PUDP: variants seen among roughly 807,000 people sequenced by gnomAD.
The protein encoded by PUDP is pseudouridine 5'-phosphatase.
A neutral mutation model predicts 9.4 loss-of-function variants in PUDP; 8 were observed. The ratio of observed to expected loss-of-function variants is 0.85; its 90% CI spans 0.50 to 1.53. The LOEUF is 1.53. Ranked by LOEUF, PUDP falls within the 40% of genes most tolerant of loss-of-function variation. PUDP has a pLI of 0.00. For synonymous variants in PUDP, 99 were observed against 80.7 expected (o/e 1.23, Z -1.22); for missense variants, 188 against 189.7 (o/e 0.99, Z 0.05).
chrX:7,035,982 T>C (rs1227384571), intron 1 of PUDP, among the ~76,000 whole-genome samples: 1 of 111,340 alleles, frequency 9.0e-6, no homozygotes, highest in Non-Finnish European at 1.9e-5. Context: ...GCGGGCCACC[T>C]CCCCGGTTTC....
At chrX:6,932,675 C>A (rs6530006) in intron 3 of PUDP, among the ~76,000 whole-genome samples, 23,247 of 111,236 alleles carry the variant, frequency 0.21, 1,953 homozygotes, top group Admixed American at 0.35. Context: ...GGCATTGCCT[C>A]ACTTGGGAAG....
chrX:7,004,387 A>G (rs966965162), intron 1 of PUDP, among the ~76,000 whole-genome samples: 2 of 111,354 alleles, frequency 1.8e-5, no homozygotes, highest in African/African-American at 6.6e-5. Flanking sequence ...CCCTGCTCAC[A>G]GCCAGATCTG....
intron 1 of PUDP, among the ~76,000 whole-genome samples, chrX:7,131,389 T>C (rs1174757901): frequency 9.1e-6 from 1 of 110,424 alleles, no homozygotes; most frequent in Admixed American, 9.6e-5. Flanking sequence ...GCAGATGTGA[T>C]TAAGTGAAGG....
rs552144804 is a variant in PUDP, at chrX:6,998,210, G to T, written c.205-19867C>A. On this transcript the variant is annotated intron_variant and NMD_transcript_variant, in intron 1 of 3. Transcript: ENST00000655425. ...TAATGATTTGGATGAGTAAAAGGAT[G>T]GTGTGGGAATCAGAGCTGCCAATTT... Among the ~76,000 whole-genome samples, 7 of 111,337 alleles carry T rather than the reference G, an allele frequency of 6.3e-5. No individual in the cohort carries two copies. In the South Asian group the frequency reaches 2.7e-3, roughly 43 times the overall value.
At chrX:6,817,315 CT>C (rs1926267940) in intron 3 of PUDP, among the ~76,000 whole-genome samples, 1 of 110,862 alleles carries the variant, frequency 9.0e-6, no homozygotes, top group African/African-American at 3.3e-5. Context: ...TCAAGTGATC[CT>C]TTTGTCTTGG....
intron 1 of PUDP, among the ~76,000 whole-genome samples, chrX:7,130,305 C>T (rs1932585663): frequency 1.8e-5 from 2 of 109,875 alleles, no homozygotes; most frequent in African/African-American, 6.6e-5. Context: ...AGGGGGAATT[C>T]GGAGGCTGAT....
intron 1 of PUDP, among the ~76,000 whole-genome samples, chrX:6,990,671 G>T (rs888187061): frequency 8.9e-6 from 1 of 112,000 alleles, no homozygotes; most frequent in Non-Finnish European, 1.9e-5. Flanking sequence ...GCCTCAGAAG[G>T]TGGGGACAGG....
Position 6,734,070 on chromosome X carries a change from G to A in PUDP, c.*248-27604C>T, listed in dbSNP as rs751541031. Among the ~76,000 whole-genome samples the A allele has an allele frequency of 4.5e-5, 5 of 111,046 alleles. No individual in the cohort carries two copies. The South Asian group carries it at 1.5e-3, about 34-fold the overall frequency. ...TGGGATTACAGGCATGAGCCACCAC[G>A]CCTGGCCAAGCAAAGATCGTTTCTG... On this transcript the variant is annotated intron_variant and NMD_transcript_variant, in intron 3 of 3. Transcript: ENST00000655425.
At chrX:6,846,044 T>C (rs535544312) in intron 3 of PUDP, among the ~76,000 whole-genome samples, 1 of 112,177 alleles carries the variant, frequency 8.9e-6, no homozygotes, top group East Asian at 2.8e-4. Context: ...TATTTGTAGG[T>C]CTCTATTTCT....
At chrX:7,032,933 TG>T (rs1273787504) in intron 1 of PUDP, among the ~76,000 whole-genome samples, 6 of 112,019 alleles carry the variant, frequency 5.4e-5, no homozygotes, top group African/African-American at 1.6e-4. Context: ...GTATTGCTCC[TG>T]GGTGTGTCTA....
chrX:7,093,849 T>G (rs746887176), intron 2 of PUDP, among the ~76,000 whole-genome samples: 4 of 111,999 alleles, frequency 3.6e-5, no homozygotes, highest in Non-Finnish European at 7.5e-5. Context: ...CCCATTCCTG[T>G]AATCCTAGCA....
intron 3 of PUDP, among the ~76,000 whole-genome samples, chrX:7,070,997 T>C (rs1022099163): frequency 8.9e-6 from 1 of 112,615 alleles, no homozygotes; most frequent in Non-Finnish European, 1.9e-5. Context: ...CCTGCTCCTG[T>C]CTGCATTCTT....
intron 3 of PUDP, among the ~76,000 whole-genome samples, chrX:6,769,694 T>C (rs745699626): frequency 8.9e-6 from 1 of 112,691 alleles, no homozygotes; most frequent in Admixed American, 9.4e-5. Context: ...AGGTACGTTA[T>C]CATTGCTGCA....
chrX:7,106,606 T>C (rs1289342872), intron 1 of PUDP, among the ~76,000 whole-genome samples: 1 of 112,132 alleles, frequency 8.9e-6, no homozygotes, highest in Non-Finnish European at 1.9e-5. Context: ...ATTTAATATA[T>C]ACATAGTATC....
chrX:7,026,874 C>T (rs1357596883), intron 1 of PUDP, among the ~76,000 whole-genome samples: 4 of 111,485 alleles, frequency 3.6e-5, no homozygotes, highest in Non-Finnish European at 7.5e-5. Context: ...GGGGAACTCT[C>T]GTGTGTCTGA....
chrX:6,804,791 G>A (rs1044251471), intron 3 of PUDP, among the ~76,000 whole-genome samples: 2 of 111,931 alleles, frequency 1.8e-5, no homozygotes, highest in Non-Finnish European at 3.8e-5. Flanking sequence ...GTTAGAGGCT[G>A]AGTAGACAGA....
intron 1 of PUDP, among the ~76,000 whole-genome samples, chrX:7,041,136 A>AC (rs1409758317): frequency 8.9e-6 from 1 of 111,762 alleles, no homozygotes; most frequent in Non-Finnish European, 1.9e-5. Context: ...ATTAATGACG[A>AC]CGTCTCACAA....
chrX:6,830,444 T>C (rs1926487654), intron 3 of PUDP, among the ~76,000 whole-genome samples: 1 of 112,497 alleles, frequency 8.9e-6, no homozygotes, highest in Admixed American at 9.4e-5. Flanking sequence ...TACAGAATCC[T>C]GAATTTGAAA....
chrX:7,076,849 T>C (rs1930920977), intron 3 of PUDP, among the ~76,000 whole-genome samples: 1 of 112,163 alleles, frequency 8.9e-6, no homozygotes, highest in South Asian at 3.7e-4. Flanking sequence ...TGAACTGCAG[T>C]GAATACTCAC....
Sources: gnomAD v4.1 joint callset for allele counts (sites outside exome capture counted in the v4.1 genomes callset) on GRCh38, gnomAD v4.1.1 for gene constraint, MANE v1.5 for transcripts, NCBI Gene and HGNC (gene_info 2026-07-23, HGNC 2026-07-21) for gene names.